Variants in DIABLO observed in about 807,000 individuals in gnomAD.
DIABLO encodes the protein diablo homolog, mitochondrial.
A neutral mutation model predicts 31.7 loss-of-function variants in DIABLO; 32 were observed. That is an observed-to-expected ratio of 1.01 (90% CI 0.76 to 1.35). The LOEUF (loss-of-function observed/expected upper bound fraction) is 1.35, where lower values mean the gene tolerates loss of function less well. Ranked by LOEUF, DIABLO falls within the 40% of genes most tolerant of loss-of-function variation. The pLI is 0.00. For missense variants in DIABLO, 316 were observed against 286.4 expected, an observed-to-expected ratio of 1.10 and a Z score of -0.75; for synonymous variants, 132 against 103.2, an observed-to-expected ratio of 1.28 and a Z score of -1.69.
At chr12:122,210,043 GT>G (rs750973082) in intron 5 of DIABLO, among the ~76,000 whole-genome samples, 4 of 152,080 alleles carry the variant, frequency 2.6e-5, no homozygotes, top group Non-Finnish European at 5.9e-5. Context: ...AATTATATTT[GT>G]TTGAGAAGGA....
rs1051860468 is a variant in DIABLO at position 122,213,713 on chromosome 12, G to A, written c.523+2775C>T. On this transcript the variant is annotated intron_variant, in intron 5 of 5. Transcript: ENST00000464942. ...CATGTTTGTGTGGCACAACTATAAT[G>A]CTGCTTCCACACTTCCGTTGTTTCA... Among the ~76,000 whole-genome samples the A allele has an allele frequency of 1.1e-4, 16 of 152,128 alleles. No individual in the cohort carries two copies. In the South Asian group the frequency reaches 3.1e-3, roughly 30 times the overall value.
At chr12:122,219,942 T>C (rs11836933) in intron 2 of DIABLO, among the ~76,000 whole-genome samples, 1 of 138,210 alleles carries the variant, frequency 7.2e-6, no homozygotes, top group South Asian at 2.5e-4. Flanking sequence ...GGGACCTCGG[T>C]TATTTTATTT....
At chr12:122,213,114 G>T (rs1048416511) in intron 5 of DIABLO, among the ~76,000 whole-genome samples, 4 of 151,964 alleles carry the variant, frequency 2.6e-5, no homozygotes, top group African/African-American at 7.3e-5. Flanking sequence ...GGGTTTCATC[G>T]TGTTGTCAAG....
At chr12:122,211,077 T>TTAA (rs1954076708) in intron 5 of DIABLO, among the ~76,000 whole-genome samples, 2 of 14,340 alleles carry the variant, frequency 1.4e-4, no homozygotes, top group Admixed American at 2.3e-3. Flanking sequence ...TAGTTAAAAG[T>TTAA]AAAAAAAAAA....
chr12:122,214,121 A>G (rs1028941694), intron 5 of DIABLO, among the ~76,000 whole-genome samples: 25 of 152,144 alleles, frequency 1.6e-4, no homozygotes, highest in African/African-American at 6.0e-4. Context: ...AACAACAAAA[A>G]AAACCTTCTA....
At chr12:122,214,856 AATT>A (rs1277065340) in intron 5 of DIABLO, among the ~76,000 whole-genome samples, 1 of 151,978 alleles carries the variant, frequency 6.6e-6, no homozygotes, top group African/African-American at 2.4e-5. Context: ...ACACCTGGCT[AATT>A]TTTGTATTTT....
Position 122,207,768 on chromosome 12 carries a change from C to A in DIABLO, c.*613G>T. 2.1e-6 allele frequency: 1 copy of A among 476,228 alleles called. No homozygotes were observed. The highest frequency in any genetic ancestry group is 4.1e-6 in the Non-Finnish European group (1 of 242,156). 29.5% of individuals were successfully genotyped at this position (476,228 alleles called of 1,614,324 possible). On this transcript the variant is annotated 3_prime_UTR_variant, in exon 6 of 6. Transcript: ENST00000464942. ...CGGAAAGAAAGGAAGGAACAAGAGGCCTGTGTTAAGTCCTGTTGATGTTAA... is the reference window on the plus strand; with the variant it reads ...CGGAAAGAAAGGAAGGAACAAGAGGACTGTGTTAAGTCCTGTTGATGTTAA...
At position 122,215,152 on chromosome 12, in the gene DIABLO, C is replaced by T. The variant is rs1477290519; in HGVS notation, c.523+1336G>A. On this transcript the variant is annotated intron_variant, in intron 5 of 5. Coordinates refer to ENST00000464942, the MANE Select transcript of DIABLO (RefSeq NM_001371333.1). ...ACTAAAAATACAAAAATTAGCCAGG[C>T]GTGGTGGTGCATGCTTGTAATCGGG... Among the ~76,000 whole-genome samples the T allele has an allele frequency of 5.3e-5, 8 of 152,036 alleles. No individual in the cohort carries two copies. The South Asian group carries it at 6.2e-4, about 12-fold the overall frequency.
At chr12:122,220,862 G>C (rs1440606477) in intron 2 of DIABLO, 1 of 152,174 alleles carries the variant, frequency 6.6e-6, no homozygotes, top group African/African-American at 2.4e-5. Flanking sequence ...ACAAAAGGAA[G>C]AAAGACACCT....
rs781274571 is a variant in DIABLO at position 122,219,306 on chromosome 12, A to AT, written c.184-910dup. Among the ~76,000 whole-genome samples, 7 of 152,334 alleles carry AT rather than the reference A, an allele frequency of 4.6e-5. No homozygotes were observed. The East Asian group carries it at 1.2e-3, about 25-fold the overall frequency. The stretch of plus-strand genomic sequence containing the variant: ...CAACAAATTGATAAGATTACAATTC[A>AT]TTCATTAACAGTGTTAGATACTTGA... On this transcript the variant is annotated intron_variant, in intron 2 of 5. Transcript: ENST00000464942.
chr12:122,212,244 A>G (rs1172974452), intron 5 of DIABLO, among the ~76,000 whole-genome samples: 2 of 152,186 alleles, frequency 1.3e-5, no homozygotes, highest in Non-Finnish European at 2.9e-5. Flanking sequence ...AGTGTTTAAC[A>G]ATGTCTAATG....
chr12:122,222,766 A>G (rs1395194382), intron 2 of DIABLO, among the ~76,000 whole-genome samples: 1 of 152,024 alleles, frequency 6.6e-6, no homozygotes, highest in East Asian at 1.9e-4. Flanking sequence ...GATCCCTCGC[A>G]CGTGTAGTTC....
chr12:122,225,270 C>T (rs1185509414), intron 1 of DIABLO: 1 of 440,402 alleles, frequency 2.3e-6, no homozygotes, highest in Non-Finnish European at 3.1e-6. Context: ...CGCCTGCAAT[C>T]CCAGCTACTC....
chr12:122,208,368 T>C lies in DIABLO; in HGVS notation c.*13A>G, dbSNP rs768723105. Reference sequence around the variant, plus strand: ...CCCACTGAGTGGGGAGACAGGGCAGTGTGCTCAGGCCCTCAATCCTCACGC... The same window carrying C: ...CCCACTGAGTGGGGAGACAGGGCAGCGTGCTCAGGCCCTCAATCCTCACGC... On this transcript the variant is annotated 3_prime_UTR_variant, in exon 6 of 6. Coordinates refer to ENST00000464942, the MANE Select transcript of DIABLO (RefSeq NM_001371333.1). The C allele has an allele frequency of 6.2e-7, 1 of 1,611,294 alleles. No homozygotes were observed. The highest frequency in any genetic ancestry group is 8.5e-7 in the Non-Finnish European group (1 of 1,179,960).
intron 1 of DIABLO, chr12:122,225,456 T>G (rs902536818): frequency 2.4e-5 from 24 of 1,007,464 alleles, no homozygotes; most frequent in Non-Finnish European, 2.7e-5. Context: ...TAACCGCTCC[T>G]GCAGGCAGAA....
At position 122,209,369 on chromosome 12, in the gene DIABLO, A is replaced by G. The variant is rs558827054; in HGVS notation, c.524-792T>C. ...CAGACTCCGTCTCAAAAAAAAAAGAAAAAAAGAAAAAAGGCTGGGTGCAGT... is the reference window on the plus strand; with the variant it reads ...CAGACTCCGTCTCAAAAAAAAAAGAGAAAAAGAAAAAAGGCTGGGTGCAGT... On this transcript the variant is annotated intron_variant, in intron 5 of 5. Transcript: ENST00000464942. Among the ~76,000 whole-genome samples the G allele has an allele frequency of 9.2e-3, 1,405 of 151,994 alleles. 30 individuals carry two copies. The highest frequency in any genetic ancestry group is 0.032 in the African/African-American group (1,334 of 41,366).
chr12:122,208,602 T>C, intron 5 of DIABLO, 25 bp from the exon 6 acceptor site: 2 of 1,608,272 alleles, frequency 1.2e-6, no homozygotes, highest in Non-Finnish European at 1.7e-6. Context: ...GACAATCGGG[T>C]TGAGCAGCCG....
rs1156571584 is a variant in DIABLO, at chr12:122,211,077, TAAAAAAAAAAAAAAAA to T, written c.524-2516_524-2501del. Among the ~76,000 whole-genome samples, 60 of 14,340 alleles carry T rather than the reference TAAAAAAAAAAAAAAAA, an allele frequency of 4.2e-3. 1 individual carries two copies. The highest frequency in any genetic ancestry group is 0.011 in the African/African-American group (44 of 4,164). The allele number at this position is 14,340 out of a possible 152,430, so 9.4% of individuals were successfully genotyped here. ...TGATTTTCCTTTGTTTAGTTAAAAG[TAAAAAAAAAAAAAAAA>T]AAAAAAAAAAAAAAAAAAAATCACA... On this transcript the variant is annotated intron_variant, in intron 5 of 5. Coordinates refer to ENST00000464942, the MANE Select transcript of DIABLO (RefSeq NM_001371333.1).
intron 2 of DIABLO, chr12:122,220,659 CA>C (rs759726133): frequency 6.7e-6 from 1 of 149,962 alleles, no homozygotes; most frequent in Non-Finnish European, 1.5e-5. Flanking sequence ...CGTCTCAAAA[CA>C]AAACAAAACA....
Sources: allele counts gnomAD v4.1 joint callset (sites outside exome capture counted in the v4.1 genomes callset), GRCh38; gene constraint gnomAD v4.1.1; transcripts MANE v1.5; gene names NCBI Gene and HGNC (gene_info 2026-07-23, HGNC 2026-07-21).